Variants in ANKS1A observed in about 807,000 individuals in gnomAD.
The protein encoded by ANKS1A is ankyrin repeat and sterile alpha motif domain containing 1A.
Under a neutral mutation model 120.3 loss-of-function variants are expected in ANKS1A, and 55 were observed. That is an observed-to-expected ratio of 0.46 (90% CI 0.37 to 0.57). ANKS1A has a LOEUF of 0.57. Among genes scored for constraint, ANKS1A ranks in the 20% least tolerant of loss-of-function variants. The pLI, the probability that ANKS1A is intolerant of heterozygous loss-of-function variation, is 0.00. For synonymous variants in ANKS1A, 590 were observed against 604.7 expected (o/e 0.98, Z 0.36); for missense variants, 1,123 against 1,480.3 (o/e 0.76, Z 3.96).
intron 1 of ANKS1A, among the ~76,000 whole-genome samples, chr6:34,924,089 T>TTGTGTGTG (rs745522816): frequency 2.0e-5 from 2 of 99,958 alleles, no homozygotes; most frequent in Admixed American, 2.0e-4. Flanking sequence ...GGGGGCTTTT[T>TTGTGTGTG]CGTGTGTGTG....
chr6:34,985,213 T>G lies in ANKS1A; in HGVS notation c.1144T>G (p.Ser382Ala). 6.2e-7 allele frequency: 1 copy of G among 1,614,170 alleles called. No homozygotes were observed. The highest frequency in any genetic ancestry group is 8.5e-7 in the Non-Finnish European group (1 of 1,180,026). Residue 382 changes from serine (S) to alanine (A), a missense_variant, in exon 8 of 24, where the codon TCT becomes GCT. Transcript: ENST00000360359. ...SLDSMASGRS[S>A]DQDSTNKEAE... ...GGACAGCATGGCCAGCGGGCGATCATCTGACCAAGACTCCACGAACAAGGA... is the reference window on the plus strand; with the variant it reads ...GGACAGCATGGCCAGCGGGCGATCAGCTGACCAAGACTCCACGAACAAGGA...
At chr6:34,976,247 CT>C (rs1262217322) in intron 3 of ANKS1A, among the ~76,000 whole-genome samples, 1 of 151,398 alleles carries the variant, frequency 6.6e-6, no homozygotes, top group Non-Finnish European at 1.5e-5. Context: ...TGTTAAAGTA[CT>C]TTTGAGTGCT....
At position 35,078,662 on chromosome 6, in the gene ANKS1A, C is replaced by T; in HGVS notation, c.2283+6C>T. On this transcript the variant is annotated splice_donor_region_variant and intron_variant, in intron 14 of 23. Coordinates refer to ENST00000360359, the MANE Select transcript of ANKS1A (RefSeq NM_015245.3). ...CGGCACGCTCCCTACCCAAGGTGAC[C>T]ATCGCCGGCCCTGTAGCCTCAGCCC... is the stretch of plus-strand genomic sequence containing the variant. The T allele has an allele frequency of 1.2e-6, 2 of 1,600,576 alleles. No individual in the cohort carries two copies. The highest frequency in any genetic ancestry group is 2.2e-5 in the South Asian group (2 of 91,058).
intron 3 of ANKS1A, 134 bp from the exon 4 acceptor site, chr6:34,981,556 C>T: frequency 1.0e-6 from 1 of 957,908 alleles, no homozygotes; most frequent in South Asian, 1.7e-5. Context: ...TGTCTGGATT[C>T]CGACTTTTAT....
intron 1 of ANKS1A, among the ~76,000 whole-genome samples, chr6:34,903,655 G>T (rs1767483141): frequency 6.6e-6 from 1 of 151,948 alleles, no homozygotes; most frequent in Admixed American, 6.6e-5. Context: ...GTGCCCTCAT[G>T]CCCGGCTAAT....
chr6:34,972,615 GC>G (rs1447857665), intron 3 of ANKS1A: 2 of 985,152 alleles, frequency 2.0e-6, no homozygotes, highest in Non-Finnish European at 2.4e-6. Context: ...AAAAAGTACG[GC>G]CCCTTTGACC....
At chr6:35,052,166 A>C (rs1012846573) in intron 11 of ANKS1A, among the ~76,000 whole-genome samples, 1 of 152,184 alleles carries the variant, frequency 6.6e-6, no homozygotes, top group African/African-American at 2.4e-5. Context: ...AAGAAAAAAT[A>C]GCCAGGTACA....
chr6:34,954,730 C>T (rs142334858), intron 1 of ANKS1A, among the ~76,000 whole-genome samples: 13 of 152,196 alleles, frequency 8.5e-5, no homozygotes, highest in Admixed American at 2.6e-4. Flanking sequence ...CCACCTGTCA[C>T]GTAGCGTCAG....
At chr6:35,075,747 ACACACACATACACACACACTTGTG>A (rs1407338338) in intron 13 of ANKS1A, among the ~76,000 whole-genome samples, 8 of 151,946 alleles carry the variant, frequency 5.3e-5, no homozygotes, top group African/African-American at 1.9e-4. Context: ...TGTTGTATGT[ACACACACATACACACACACTTGTG>A]CACACACATA....
At chr6:35,007,978 ATTG>A (rs910808688) in intron 10 of ANKS1A, among the ~76,000 whole-genome samples, 23 of 151,926 alleles carry the variant, frequency 1.5e-4, no homozygotes, top group African/African-American at 4.4e-4. Flanking sequence ...CCAGTTTTGG[ATTG>A]TTTTCTCAGG....
intron 3 of ANKS1A, among the ~76,000 whole-genome samples, chr6:34,976,779 T>C (rs202063575): frequency 1.5e-3 from 31 of 21,328 alleles, no homozygotes; most frequent in Non-Finnish European, 4.0e-3. Flanking sequence ...TGTGTGTGCG[T>C]GTGTGTGTGT....
intron 13 of ANKS1A, among the ~76,000 whole-genome samples, chr6:35,063,793 G>A (rs1173177370): frequency 6.6e-6 from 1 of 152,188 alleles, no homozygotes; most frequent in African/African-American, 2.4e-5. Flanking sequence ...GGAAAACAAA[G>A]CACATAAAAG....
In ANKS1A at chr6:35,085,319, C is replaced by T. The variant is rs78377702; in HGVS notation, c.3133-447C>T. Reference sequence around the variant, plus strand: ...CAGTTCTGCTGTAACGCCACACATACGCTCCTAACAATCACTGTGCTGTGT... The same window carrying T: ...CAGTTCTGCTGTAACGCCACACATATGCTCCTAACAATCACTGTGCTGTGT... On this transcript the variant is annotated intron_variant, in intron 21 of 23. Coordinates refer to ENST00000360359, the MANE Select transcript of ANKS1A (RefSeq NM_015245.3). The surrounding 1 kb of genome is among the most constrained non-coding windows in gnomAD (Gnocchi z 4.7). 0.012 allele frequency among the ~76,000 whole-genome samples: 1,856 copies of T among 152,294 alleles called. 37 individuals are homozygous for T. The highest frequency in any genetic ancestry group is 0.042 in the African/African-American group (1,731 of 41,546).
At chr6:35,038,370 G>T in intron 11 of ANKS1A, 2 of 455,126 alleles carry the variant, frequency 4.4e-6, no homozygotes, top group Non-Finnish European at 8.9e-6. Context: ...GGTCCACGAT[G>T]AAAGGAGAAT....
rs820088 is a variant in ANKS1A, at chr6:35,058,990, G to A, written c.2078-1157G>A. Among the ~76,000 whole-genome samples the A allele has an allele frequency of 0.36, 54,934 of 151,936 alleles. 10,235 individuals are homozygous for A. The highest frequency in any genetic ancestry group is 0.61 in the East Asian group (3,137 of 5,144). On this transcript the variant is annotated intron_variant, in intron 12 of 23. Coordinates refer to ENST00000360359, the MANE Select transcript of ANKS1A (RefSeq NM_015245.3). The surrounding 1 kb of genome is among the most constrained non-coding windows in gnomAD (Gnocchi z 5.1). ...TGTCTTTATCACTCAGCCAAAGAGA[G>A]AACAGCGCAGGACGTGAATAGACTT...
chr6:35,048,460 G>A (rs1165730186), intron 11 of ANKS1A, among the ~76,000 whole-genome samples: 1 of 152,126 alleles, frequency 6.6e-6, no homozygotes, highest in East Asian at 1.9e-4. Context: ...CCTGCCATGC[G>A]CCTTTCCCCT....
At position 35,079,506 on chromosome 6, in the gene ANKS1A, T is replaced by C. The variant is rs1777548630; in HGVS notation, c.2284-10T>C. ...GAGATGTCAGTTTCACCTCCCTCCT[T>C]GCCCTGTAGGTGAAGGCTCTGGGTT... On this transcript the variant is annotated splice_polypyrimidine_tract_variant and intron_variant, in intron 14 of 23. Transcript: ENST00000360359. The C allele has an allele frequency of 1.9e-6, 3 of 1,613,534 alleles. No individual in the cohort carries two copies. Among genetic ancestry groups the C allele is most frequent in the Non-Finnish European group, 2.5e-6 (3 of 1,179,692 alleles).
At chr6:34,900,428 T>C (rs980764234) in intron 1 of ANKS1A, among the ~76,000 whole-genome samples, 2 of 152,064 alleles carry the variant, frequency 1.3e-5, no homozygotes, top group Non-Finnish European at 2.9e-5. Context: ...TTAACTCATT[T>C]TGTCCTCATA....
Position 34,924,840 on chromosome 6 carries a change from A to C in ANKS1A, c.197+35241A>C, listed in dbSNP as rs1016853470. The stretch of plus-strand genomic sequence containing the variant: ...TGCCATCTTGGCTCACTGCAACCTC[A>C]GACTCCCCGGGCTTGAGTGATCCAC... On this transcript the variant is annotated intron_variant, in intron 1 of 23. Coordinates refer to ENST00000360359, the MANE Select transcript of ANKS1A (RefSeq NM_015245.3). Among the ~76,000 whole-genome samples, 6 of 152,252 alleles carry C rather than the reference A, an allele frequency of 3.9e-5. No individual in the cohort carries two copies. The East Asian group carries it at 1.2e-3, about 29-fold the overall frequency.
Sources: gnomAD v4.1 joint callset for allele counts (sites outside exome capture counted in the v4.1 genomes callset) on GRCh38, gnomAD v4.1.1 for gene constraint, Gnocchi (gnomAD v3.1) non-coding constraint, MANE v1.5 for transcripts, NCBI Gene and HGNC (gene_info 2026-07-23, HGNC 2026-07-21) for gene names.